Variants in DMD observed in about 807,000 individuals in gnomAD.
DMD encodes the protein mutant dystrophin.
A neutral mutation model predicts 330.1 loss-of-function variants in DMD; 63 were observed. The ratio of observed to expected loss-of-function variants is 0.19; its 90% confidence interval spans 0.16 to 0.24. The LOEUF (loss-of-function observed/expected upper bound fraction) is 0.24, where lower values mean the gene tolerates loss of function less well. DMD is among the 10% of genes least tolerant of loss of function. DMD has a pLI of 1.00. For missense variants in DMD, 3,344 were observed against 2,684.1 expected (o/e 1.25, Z -5.43); for synonymous variants, 1,223 against 959.8 (o/e 1.27, Z -5.07).
intron 9 of DMD, among the ~76,000 whole-genome samples, chrX:32,694,326 C>G (rs1453527279): frequency 9.0e-6 from 1 of 111,681 alleles, no homozygotes; most frequent in Non-Finnish European, 1.9e-5. Context: ...AGAACCCCTT[C>G]TTTACATGCA....
chrX:32,439,976 T>C, intron 28 of DMD, among the ~76,000 whole-genome samples: 1 of 111,330 alleles, frequency 9.0e-6, no homozygotes, highest in Non-Finnish European at 1.9e-5. Flanking sequence ...CTCTTCATTA[T>C]GGCTTCAAAT....
chrX:31,582,276 TAGA>T (rs1462454792), intron 55 of DMD, among the ~76,000 whole-genome samples: 1 of 111,266 alleles, frequency 9.0e-6, no homozygotes, highest in East Asian at 2.8e-4. Flanking sequence ...GGAAGTTGGG[TAGA>T]AGGTCTTTGC....
At chrX:31,470,534 G>A (rs1459412023) in intron 59 of DMD, among the ~76,000 whole-genome samples, 3 of 111,917 alleles carry the variant, frequency 2.7e-5, no homozygotes, top group African/African-American at 9.8e-5. Flanking sequence ...CATCCCAGAG[G>A]GGCACCTGCC....
At chrX:31,993,868 C>T (rs1418039320) in intron 44 of DMD, among the ~76,000 whole-genome samples, 8 of 111,638 alleles carry the variant, frequency 7.2e-5, no homozygotes, top group Non-Finnish European at 1.3e-4. Flanking sequence ...CAGCTGGTTG[C>T]TCAGGAAAGT....
intron 36 of DMD, among the ~76,000 whole-genome samples, chrX:32,363,232 A>G (rs1299981973): frequency 8.9e-6 from 1 of 111,914 alleles, no homozygotes; most frequent in African/African-American, 3.2e-5. Context: ...TAAAATGTTT[A>G]TTTAGTCCGA....
intron 61 of DMD, among the ~76,000 whole-genome samples, chrX:31,347,519 C>G (rs191862560): frequency 3.2e-3 from 356 of 112,014 alleles, no homozygotes; most frequent in Non-Finnish European, 4.6e-3. Context: ...AGGGTTATTT[C>G]ACTTAACATA....
intron 62 of DMD, among the ~76,000 whole-genome samples, chrX:31,289,580 G>GAGTAAGC (rs1181238178): frequency 9.0e-6 from 1 of 110,828 alleles, no homozygotes; most frequent in Non-Finnish European, 1.9e-5. Flanking sequence ...ATCTTACATA[G>GAGTAAGC]AGTAAGCAGA....
At chrX:31,593,566 GA>G (rs895600773) in intron 55 of DMD, among the ~76,000 whole-genome samples, 2 of 110,129 alleles carry the variant, frequency 1.8e-5, no homozygotes, top group East Asian at 2.8e-4. Context: ...AGAGCAAAAA[GA>G]AAAAAAATAG....
intron 62 of DMD, among the ~76,000 whole-genome samples, chrX:31,276,475 A>C (rs956915522): frequency 1.8e-5 from 2 of 111,942 alleles, no homozygotes; most frequent in Non-Finnish European, 3.8e-5. Context: ...GAGCAACTAC[A>C]ACTCTCATGC....
chrX:33,323,711 C>G (rs899827269), intron 1 of DMD, among the ~76,000 whole-genome samples: 1 of 111,381 alleles, frequency 9.0e-6, no homozygotes, highest in Non-Finnish European at 1.9e-5. Context: ...TGCATTCATG[C>G]CGAGCACATA....
intron 18 of DMD, among the ~76,000 whole-genome samples, chrX:32,504,156 T>C (rs1245266695): frequency 8.9e-6 from 1 of 112,383 alleles, no homozygotes. Context: ...GCATAAACCT[T>C]ACACCCTTCT....
chrX:32,859,950 C>T (rs1200553682), intron 2 of DMD, among the ~76,000 whole-genome samples: 1 of 111,661 alleles, frequency 9.0e-6, no homozygotes, highest in East Asian at 2.8e-4. Flanking sequence ...CATTTTATGA[C>T]TAAGATTTCC....
chrX:32,316,226 TAATC>T (rs907138836), intron 41 of DMD, among the ~76,000 whole-genome samples: 5 of 111,555 alleles, frequency 4.5e-5, no homozygotes, highest in African/African-American at 1.3e-4. Context: ...TGGTTGAACA[TAATC>T]AATAAAAAGG....
chrX:31,553,238 G>C (rs2074598799), intron 55 of DMD, among the ~76,000 whole-genome samples: 1 of 112,090 alleles, frequency 8.9e-6, no homozygotes, highest in Non-Finnish European at 1.9e-5. Context: ...TAGCGGAATA[G>C]CAGGAAGGGT....
chrX:31,550,823 G>A (rs959674432), intron 55 of DMD, among the ~76,000 whole-genome samples: 7 of 111,746 alleles, frequency 6.3e-5, no homozygotes, highest in African/African-American at 2.3e-4. Flanking sequence ...AGCAGACTGA[G>A]GTGATCCTAG....
Position 32,621,714 on chromosome X carries a change from G to A in DMD, c.1332-7261C>T, listed in dbSNP as rs186479644. Among the ~76,000 whole-genome samples, 701 of 110,386 alleles carry A rather than the reference G, an allele frequency of 6.4e-3. 4 individuals carry two copies. The highest frequency in any genetic ancestry group is 0.022 in the African/African-American group (672 of 30,337). Reference sequence around the variant, plus strand: ...AGAATGGCTGGGTGTGTGCAAACGGGATGGCTCAATATTTTAATGACTGGT... The same window carrying A: ...AGAATGGCTGGGTGTGTGCAAACGGAATGGCTCAATATTTTAATGACTGGT... On this transcript the variant is annotated intron_variant, in intron 11 of 78. Transcript: ENST00000357033.
intron 11 of DMD, among the ~76,000 whole-genome samples, chrX:32,634,527 C>G (rs1249963929): frequency 8.9e-6 from 1 of 111,875 alleles, no homozygotes; most frequent in African/African-American, 3.3e-5. Flanking sequence ...TTATTCAGGG[C>G]CCTAGGTCCC....
At chrX:31,201,690 G>A (rs1176942256) in intron 67 of DMD, among the ~76,000 whole-genome samples, 1 of 112,090 alleles carries the variant, frequency 8.9e-6, no homozygotes, top group Non-Finnish European at 1.9e-5. Flanking sequence ...GCCAGAGGCT[G>A]CAGTGAGGAT....
At chrX:31,182,221 A>C (rs187754263) in intron 68 of DMD, among the ~76,000 whole-genome samples, 15 of 112,051 alleles carry the variant, frequency 1.3e-4, no homozygotes, top group African/African-American at 4.9e-4. Flanking sequence ...ACAGATAAAG[A>C]AGCAAGTTCT....
Sources: gnomAD v4.1 joint callset for allele counts (sites outside exome capture counted in the v4.1 genomes callset) on GRCh38, gnomAD v4.1.1 for gene constraint, MANE v1.5 for transcripts, NCBI Gene and HGNC (gene_info 2026-07-23, HGNC 2026-07-21) for gene names.